COL23A1: variants seen among roughly 807,000 people sequenced by gnomAD.
COL23A1 encodes the protein collagen alpha-1(XXIII) chain.
In COL23A1, 97 loss-of-function variants were observed where a neutral mutation model predicts 99.3. That is an observed-to-expected ratio of 0.98 (90% CI 0.83 to 1.16). The LOEUF is 1.16. COL23A1 is among the 50% of genes most tolerant of loss of function. The pLI, the probability that COL23A1 is intolerant of heterozygous loss-of-function variation, is 0.00. For synonymous variants in COL23A1, 320 were observed against 308.2 expected, an observed-to-expected ratio of 1.04 and a Z score of -0.40; for missense variants, 762 against 757.4, an observed-to-expected ratio of 1.01 and a Z score of -0.07.
chr5:178,298,928 C>T (rs116088393), intron 3 of COL23A1, among the ~76,000 whole-genome samples: 268 of 152,276 alleles, frequency 1.8e-3, no homozygotes, highest in Middle Eastern at 0.01. Context: ...TTTACTGAGA[C>T]GATCATGTGG....
chr5:178,518,300 C>T (rs1296845402), intron 2 of COL23A1, among the ~76,000 whole-genome samples: 3 of 149,384 alleles, frequency 2.0e-5, no homozygotes, highest in East Asian at 2.1e-4. Flanking sequence ...CTACTTCTTT[C>T]TACACAGACA....
At chr5:178,578,528 G>A (rs532551192) in intron 1 of COL23A1, among the ~76,000 whole-genome samples, 4 of 152,320 alleles carry the variant, frequency 2.6e-5, no homozygotes, top group Admixed American at 2.0e-4. Flanking sequence ...GAGGCCCAAA[G>A]TTGAGTAGAT....
intron 2 of COL23A1, among the ~76,000 whole-genome samples, chr5:178,320,520 T>G (rs892334408): frequency 6.6e-6 from 1 of 152,122 alleles, no homozygotes; most frequent in African/African-American, 2.4e-5. Flanking sequence ...GATGCTGAGG[T>G]CTGAGGAAGC....
chr5:178,249,963 A>G, intron 18 of COL23A1, 98 bp downstream of exon 18: 1 of 1,431,708 alleles, frequency 7.0e-7, no homozygotes, highest in South Asian at 1.2e-5. Flanking sequence ...GTGTTTCTCT[A>G]ACTCTGTGCA....
Position 178,547,196 on chromosome 5 carries a change from G to GTATCTGA in COL23A1, c.361+13479_361+13485dup, listed in dbSNP as rs371837908. 9.2e-3 allele frequency among the ~76,000 whole-genome samples: 1,402 copies of GTATCTGA among 152,170 alleles called. 30 individuals carry two copies. The highest frequency in any genetic ancestry group is 0.032 in the African/African-American group (1,320 of 41,470). ...ACACTGAGTGGCAAGTACCCCGACA[G>GTATCTGA]TATCTGATTCACGCCAGCACCGAGC... On this transcript the variant is annotated intron_variant, in intron 2 of 28. Transcript: ENST00000390654.
At chr5:178,370,024 C>A (rs762313473) in intron 2 of COL23A1, among the ~76,000 whole-genome samples, 1 of 152,194 alleles carries the variant, frequency 6.6e-6, no homozygotes, top group African/African-American at 2.4e-5. Context: ...AGGGCACATG[C>A]AGAATAGCAC....
At chr5:178,478,129 G>A (rs892698200) in intron 2 of COL23A1, among the ~76,000 whole-genome samples, 4 of 152,160 alleles carry the variant, frequency 2.6e-5, no homozygotes, top group Non-Finnish European at 4.4e-5. Context: ...CAGTGCCTGC[G>A]GGCCCCCGAC....
chr5:178,320,609 C>A (rs1250061476), intron 2 of COL23A1, among the ~76,000 whole-genome samples: 1 of 152,186 alleles, frequency 6.6e-6, no homozygotes, highest in Non-Finnish European at 1.5e-5. Flanking sequence ...AGGAGCTGCT[C>A]CCAAATCCTG....
At chr5:178,538,972 G>A (rs998724683) in intron 2 of COL23A1, among the ~76,000 whole-genome samples, 1 of 152,214 alleles carries the variant, frequency 6.6e-6, no homozygotes, top group Non-Finnish European at 1.5e-5. Flanking sequence ...GAAGCCGGAT[G>A]AAAAAGGCCA....
intron 2 of COL23A1, among the ~76,000 whole-genome samples, chr5:178,333,794 G>C (rs2973680): frequency 0.47 from 71,958 of 152,010 alleles, 17,896 homozygotes; most frequent in East Asian, 0.81. Context: ...ATCCATCCTG[G>C]TAGAACAGGG....
chr5:178,282,070 A>G (rs1756931672), intron 5 of COL23A1, among the ~76,000 whole-genome samples: 1 of 148,962 alleles, frequency 6.7e-6, no homozygotes, highest in Non-Finnish European at 1.5e-5. Context: ...AAAAAAAAAG[A>G]TGGGGTTTTG....
At chr5:178,371,129 C>T (rs968982865) in intron 2 of COL23A1, among the ~76,000 whole-genome samples, 4 of 152,092 alleles carry the variant, frequency 2.6e-5, no homozygotes, top group Admixed American at 6.5e-5. Context: ...AACATCATGC[C>T]GCACACCATA....
At chr5:178,474,299 C>T (rs1239439726) in intron 2 of COL23A1, among the ~76,000 whole-genome samples, 1 of 152,204 alleles carries the variant, frequency 6.6e-6, no homozygotes, top group African/African-American at 2.4e-5. Flanking sequence ...TCCTTGTTTT[C>T]AGTGAAACTG....
intron 2 of COL23A1, among the ~76,000 whole-genome samples, chr5:178,427,786 G>A (rs967312697): frequency 3.3e-5 from 5 of 152,132 alleles, no homozygotes; most frequent in East Asian, 1.9e-4. Flanking sequence ...AAGATCACTC[G>A]TTGCCAGGGG....
chr5:178,344,028 T>C (rs1760823302), intron 2 of COL23A1, among the ~76,000 whole-genome samples: 1 of 152,132 alleles, frequency 6.6e-6, no homozygotes, highest in East Asian at 1.9e-4. Flanking sequence ...AAGACAGCTG[T>C]CTATCCCTAA....
At chr5:178,523,257 CAGAG>C (rs70997610) in intron 2 of COL23A1, among the ~76,000 whole-genome samples, 36,199 of 106,866 alleles carry the variant, frequency 0.34, 6,463 homozygotes, top group Non-Finnish European at 0.45. Flanking sequence ...GAGAGAGAGA[CAGAG>C]AGAGAGAGAG....
Position 178,298,057 on chromosome 5 carries a change from C to T in COL23A1, c.407-7688G>A, listed in dbSNP as rs1449712530. Among the ~76,000 whole-genome samples, 5 of 152,296 alleles carry T rather than the reference C, an allele frequency of 3.3e-5. No homozygotes were observed. In the East Asian group the frequency reaches 9.6e-4, roughly 29 times the overall value. ...CATATGGTGGTGTCCCGAGGTCCAG[C>T]CCTTCTGCGCACGGCCTTCAAACAT... On this transcript the variant is annotated intron_variant, in intron 3 of 28. Coordinates refer to ENST00000390654, the MANE Select transcript of COL23A1 (RefSeq NM_173465.4).
intron 2 of COL23A1, among the ~76,000 whole-genome samples, chr5:178,549,578 G>A (rs1761894817): frequency 6.6e-6 from 1 of 152,104 alleles, no homozygotes; most frequent in Non-Finnish European, 1.5e-5. Flanking sequence ...CACTTTGGGA[G>A]GCTGAGGTGG....
chr5:178,290,933 C>T (rs539244521), intron 3 of COL23A1, among the ~76,000 whole-genome samples: 1 of 152,258 alleles, frequency 6.6e-6, no homozygotes, highest in Admixed American at 6.5e-5. Context: ...CCTTATGAGG[C>T]CCACAGGGGC....
Sources: gnomAD v4.1 joint callset for allele counts (sites outside exome capture counted in the v4.1 genomes callset) on GRCh38, gnomAD v4.1.1 for gene constraint, MANE v1.5 for transcripts, NCBI Gene and HGNC (gene_info 2026-07-23, HGNC 2026-07-21) for gene names.